SBF2: variants seen among roughly 807,000 people sequenced by gnomAD.
SBF2 encodes the protein myotubularin-related protein 13.
Under a neutral mutation model 225.2 loss-of-function variants are expected in SBF2, and 112 were observed. The ratio of observed to expected loss-of-function variants is 0.50; its 90% CI spans 0.43 to 0.58. The LOEUF (loss-of-function observed/expected upper bound fraction) is 0.58. Among genes scored for constraint, SBF2 ranks in the 20% least tolerant of loss-of-function variants. SBF2 has a pLI of 0.00. For missense variants in SBF2, 1,996 were observed against 2,206.2 expected, an observed-to-expected ratio of 0.90 and a Z score of 1.91; for synonymous variants, 763 against 773.3, an observed-to-expected ratio of 0.99 and a Z score of 0.22.
At chr11:9,990,385 A>T (rs1241231677) in intron 12 of SBF2, among the ~76,000 whole-genome samples, 1 of 152,228 alleles carries the variant, frequency 6.6e-6, no homozygotes, top group East Asian at 1.9e-4. Context: ...GGCCATGCAC[A>T]ATGCAAGCTG....
At chr11:9,852,409 C>T (rs1471994894) in intron 21 of SBF2, among the ~76,000 whole-genome samples, 1 of 152,070 alleles carries the variant, frequency 6.6e-6, no homozygotes, top group Admixed American at 6.6e-5. Flanking sequence ...TAGAAATGTT[C>T]CTAATTTATG....
intron 1 of SBF2, among the ~76,000 whole-genome samples, chr11:10,216,056 T>C (rs998190289): frequency 6.6e-6 from 1 of 152,234 alleles, no homozygotes; most frequent in African/African-American, 2.4e-5. Flanking sequence ...TTACACATTT[T>C]AAAGTGTCAT....
intron 2 of SBF2, among the ~76,000 whole-genome samples, chr11:10,120,307 TACC>T (rs1357850537): frequency 6.6e-6 from 1 of 152,222 alleles, no homozygotes; most frequent in Non-Finnish European, 1.5e-5. Flanking sequence ...TGAATGTATA[TACC>T]ACATTTTCTT....
At chr11:9,870,327 C>G (rs11042520) in intron 17 of SBF2, among the ~76,000 whole-genome samples, 5,058 of 152,248 alleles carry the variant, frequency 0.033, 277 homozygotes, top group African/African-American at 0.11. Context: ...CTACCATTGA[C>G]ATTCTTCACA....
In SBF2 at chr11:9,832,257, C is replaced by A; in HGVS notation, c.3619G>T (p.Gly1207Cys). ...GGGGAGTTCTGAGATTTGAAAAGAC[C>A]AACGACTCCCTTCCCATGGAATCCT... ...SGGFHGKGVV[G>C]LFKSQNSPQA... Residue 1207 changes from glycine to cysteine, a missense_variant, in exon 27 of 40, where the codon GGT becomes TGT. Physicochemically the swap from Gly to Cys is radical, Grantham distance 159. Transcript: ENST00000256190. 1 of 1,614,080 alleles carries A rather than the reference C, an allele frequency of 6.2e-7. No homozygotes were observed.
At position 9,839,502 on chromosome 11, in the gene SBF2, G is replaced by T; in HGVS notation, c.3451C>A (p.Arg1151=). ...TASNRMYSLC[R]SYPGLLVVPQ... ...GGAGCCCACTGACACACTTACCTCC[G>T]GCAGAGTGAATACATCCTGTTGGAG... Residue 1151 remains arginine (R), a synonymous_variant, in exon 26 of 40, where the codon CGG becomes AGG. Coordinates refer to ENST00000256190, the MANE Select transcript of SBF2 (RefSeq NM_030962.4). 1 of 1,614,016 alleles carries T rather than the reference G, an allele frequency of 6.2e-7. No individual in the cohort carries two copies. Among genetic ancestry groups the T allele is most frequent in the East Asian group, 2.2e-5 (1 of 44,884 alleles).
intron 17 of SBF2, among the ~76,000 whole-genome samples, chr11:9,886,533 C>T (rs1353306272): frequency 1.3e-5 from 1 of 78,978 alleles, no homozygotes; most frequent in African/African-American, 5.7e-5. Context: ...TACGGGTAGC[C>T]TGTAGTTCTT....
intron 25 of SBF2, among the ~76,000 whole-genome samples, chr11:9,841,913 A>T (rs1157705024): frequency 1.3e-5 from 2 of 152,030 alleles, no homozygotes; most frequent in African/African-American, 4.8e-5. Context: ...TTTCTTTTTT[A>T]AAATGTTGTT....
chr11:9,856,657 G>A lies in SBF2; in HGVS notation c.2164C>T (p.Arg722Cys), dbSNP rs753111342. 2.0e-5 allele frequency: 33 copies of A among 1,613,994 alleles called. No individual in the cohort carries two copies. The highest frequency in any genetic ancestry group is 8.9e-5 in the East Asian group (4 of 44,894). ...GACTTGCTCAGGGTAGGCCAAAGGCGTAGTTGCTCAGCTGCCAGGTCCATT... is the reference window on the plus strand; with the variant it reads ...GACTTGCTCAGGGTAGGCCAAAGGCATAGTTGCTCAGCTGCCAGGTCCATT... ...TAMDLAAEQL[R>C]LWPTLSKSTQ... The change falls in exon 19 of 40, where the codon CGC becomes TGC. Residue 722 changes from arginine to cysteine, a missense_variant. Coordinates refer to ENST00000256190, the MANE Select transcript of SBF2 (RefSeq NM_030962.4).
intron 2 of SBF2, among the ~76,000 whole-genome samples, chr11:10,152,900 C>T (rs7129531): frequency 0.25 from 38,444 of 151,982 alleles, 5,013 homozygotes; most frequent in Middle Eastern, 0.32. Flanking sequence ...GGCACAGAGG[C>T]CTGAAAATCC....
intron 14 of SBF2, among the ~76,000 whole-genome samples, chr11:9,965,754 A>G (rs1424939960): frequency 6.6e-6 from 1 of 152,242 alleles, no homozygotes; most frequent in Non-Finnish European, 1.5e-5. Context: ...ATGAGACTAT[A>G]GACCTTACTT....
At chr11:10,220,383 G>T (rs1958298187) in intron 1 of SBF2, among the ~76,000 whole-genome samples, 1 of 152,054 alleles carries the variant, frequency 6.6e-6, no homozygotes. Flanking sequence ...AGATTTAGGT[G>T]GGGACACAGC....
chr11:9,983,426 C>T (rs1416841945), intron 13 of SBF2, among the ~76,000 whole-genome samples: 1 of 152,134 alleles, frequency 6.6e-6, no homozygotes, highest in East Asian at 1.9e-4. Flanking sequence ...TACATCAAGA[C>T]CCGCCCAAAG....
At chr11:10,076,389 T>C (rs941390093) in intron 2 of SBF2, among the ~76,000 whole-genome samples, 1 of 152,162 alleles carries the variant, frequency 6.6e-6, no homozygotes, top group Admixed American at 6.5e-5. Flanking sequence ...GTTTGGAGAA[T>C]CTTCAGATCA....
At chr11:9,801,613 T>C (rs1255896544) in intron 32 of SBF2, among the ~76,000 whole-genome samples, 4 of 152,238 alleles carry the variant, frequency 2.6e-5, no homozygotes, top group African/African-American at 9.6e-5. Flanking sequence ...TTTTGTTATT[T>C]CACAAATTAA....
At chr11:9,888,079 T>C (rs73418574) in intron 17 of SBF2, among the ~76,000 whole-genome samples, 2,108 of 152,286 alleles carry the variant, frequency 0.014, 38 homozygotes, top group African/African-American at 0.047. Flanking sequence ...CTCGTATCTA[T>C]AGAAGGACAA....
Position 9,960,058 on chromosome 11 carries a change from G to A in SBF2, c.1860+1899C>T, listed in dbSNP as rs141210422. 250 of 252,070 alleles carry A rather than the reference G, an allele frequency of 9.9e-4. 1 individual carries two copies. Among genetic ancestry groups the A allele is most frequent in the South Asian group, 1.7e-3 (33 of 19,714 alleles). 15.6% of individuals were successfully genotyped at this position (252,070 alleles called of 1,614,324 possible). On this transcript the variant is annotated intron_variant, in intron 16 of 39. Coordinates refer to ENST00000256190, the MANE Select transcript of SBF2 (RefSeq NM_030962.4). ...TGGAGTTCAGTGGCTATTGATAGGC[G>A]CAATTATAGTGTACTGCAGCCTAAC...
chr11:10,228,888 A>G (rs1167098292), intron 1 of SBF2, among the ~76,000 whole-genome samples: 1 of 152,122 alleles, frequency 6.6e-6, no homozygotes, highest in Non-Finnish European at 1.5e-5. Flanking sequence ...TTTCAGAAGG[A>G]ATGGTACCAG....
chr11:10,180,582 T>C (rs895320902), intron 2 of SBF2, among the ~76,000 whole-genome samples: 3 of 152,180 alleles, frequency 2.0e-5, no homozygotes, highest in African/African-American at 7.2e-5. Flanking sequence ...AGCTGTTCTA[T>C]AACCTTCTTG....
Sources: gnomAD v4.1 joint callset for allele counts (sites outside exome capture counted in the v4.1 genomes callset) on GRCh38, gnomAD v4.1.1 for gene constraint, MANE v1.5 for transcripts, NCBI Gene and HGNC (gene_info 2026-07-23, HGNC 2026-07-21) for gene names.